LGSN: variants seen among roughly 807,000 people sequenced by gnomAD.
LGSN encodes lengsin, lens protein with glutamine synthetase domain.
In LGSN, 21 loss-of-function variants were observed where a neutral mutation model predicts 19.5. The ratio of observed to expected loss-of-function variants is 1.07; its 90% CI spans 0.76 to 1.55. The LOEUF (loss-of-function observed/expected upper bound fraction) is 1.55, where lower values mean the gene tolerates loss of function less well. Among genes scored for constraint, LGSN ranks in the 40% most tolerant of loss-of-function variants. LGSN has a pLI of 0.00. For synonymous variants in LGSN, 257 were observed against 215.6 expected, an observed-to-expected ratio of 1.19 and a Z score of -1.68; for missense variants, 673 against 608.5, an observed-to-expected ratio of 1.11 and a Z score of -1.12.
the LGSN span, among the ~76,000 whole-genome samples, chr6:63,378,302 T>G: frequency 6.6e-6 from 1 of 152,120 alleles, no homozygotes; most frequent in African/African-American, 2.4e-5. Context: ...TATACTTCAG[T>G]CTAGAAGTGA....
Position 63,280,884 on chromosome 6 carries a change from T to C in LGSN, c.667A>G (p.Ile223Val). ...FGVPEILNSKIISFPALTFLN... is the reference protein window; with the variant it reads ...FGVPEILNSKVISFPALTFLN... ...AATGTTAAAGCAGGAAAAGATATAA[T>C]CTTTGAATTTAAAATTTCGGGCACA... is the stretch of plus-strand genomic sequence containing the variant. The change falls in exon 4 of 4, where the codon ATT (isoleucine) becomes GTT (valine). Residue 223 changes from isoleucine to valine, a missense_variant. Ile to Val is a conservative substitution (Grantham distance 29). Transcript: ENST00000370657. 6.2e-7 allele frequency: 1 copy of C among 1,613,992 alleles called. No homozygotes were observed. Among genetic ancestry groups the C allele is most frequent in the Non-Finnish European group, 8.5e-7 (1 of 1,180,018 alleles).
chr6:63,496,205 G>A, the LGSN span, among the ~76,000 whole-genome samples: 5 of 152,308 alleles, frequency 3.3e-5, no homozygotes, highest in Admixed American at 6.5e-5. Context: ...GATTACAGGC[G>A]TGAGCCACAG....
chr6:63,321,264 A>G (rs1193998113), upstream of LGSN, among the ~76,000 whole-genome samples: 2 of 152,104 alleles, frequency 1.3e-5, no homozygotes, highest in Non-Finnish European at 2.9e-5. Flanking sequence ...TTTTTCTTGC[A>G]TGTGCTTGTC....
the LGSN span, among the ~76,000 whole-genome samples, chr6:63,417,393 A>C: frequency 6.6e-6 from 1 of 152,116 alleles, no homozygotes; most frequent in African/African-American, 2.4e-5. Context: ...TAAGTTTCTA[A>C]GTTTTACTAA....
chr6:63,481,490 A>AT, the LGSN span, among the ~76,000 whole-genome samples: 9 of 150,328 alleles, frequency 6.0e-5, no homozygotes, highest in Admixed American at 1.3e-4. Flanking sequence ...CTACAGGCGC[A>AT]TGCCACCATG....
chr6:63,434,099 A>C, the LGSN span, among the ~76,000 whole-genome samples: 1 of 152,200 alleles, frequency 6.6e-6, no homozygotes, highest in African/African-American at 2.4e-5. Context: ...AGTTACTAGA[A>C]TCCACCAAGA....
chr6:63,291,839 C>T (rs561664790), intron 2 of LGSN, among the ~76,000 whole-genome samples: 1 of 152,198 alleles, frequency 6.6e-6, no homozygotes, highest in South Asian at 2.1e-4. Flanking sequence ...AATTGCATGG[C>T]AAAAGGGACT....
chr6:63,390,674 G>A, the LGSN span, among the ~76,000 whole-genome samples: 4 of 151,234 alleles, frequency 2.6e-5, no homozygotes, highest in African/African-American at 9.7e-5. Flanking sequence ...GGCTAACACG[G>A]TGAAACCCCG....
At chr6:63,421,784 T>A in the LGSN span, among the ~76,000 whole-genome samples, 2 of 150,582 alleles carry the variant, frequency 1.3e-5, no homozygotes, top group South Asian at 2.1e-4. Context: ...AGAGAGAAAA[T>A]AGGGAAGAAA....
the LGSN span, among the ~76,000 whole-genome samples, chr6:63,346,651 G>T: frequency 1.3e-5 from 2 of 152,180 alleles, no homozygotes; most frequent in African/African-American, 4.8e-5. Flanking sequence ...TAGCCAGCCG[G>T]TCAGAAGTTC....
the LGSN span, among the ~76,000 whole-genome samples, chr6:63,367,444 G>A: frequency 6.6e-6 from 1 of 152,050 alleles, no homozygotes; most frequent in Non-Finnish European, 1.5e-5. Flanking sequence ...GGAAACAACA[G>A]GTGCTGGAGA....
At chr6:63,381,907 G>T in the LGSN span, among the ~76,000 whole-genome samples, 1 of 152,122 alleles carries the variant, frequency 6.6e-6, no homozygotes, top group South Asian at 2.1e-4. Context: ...GTCACTAAGG[G>T]ATAATATTGT....
At chr6:63,545,349 C>T in the LGSN span, among the ~76,000 whole-genome samples, 2 of 152,178 alleles carry the variant, frequency 1.3e-5, no homozygotes, top group Non-Finnish European at 2.9e-5. Flanking sequence ...GTGGCTCATG[C>T]CTGTAATCCC....
chr6:63,342,345 G>A, the LGSN span, among the ~76,000 whole-genome samples: 2 of 152,132 alleles, frequency 1.3e-5, no homozygotes, highest in Non-Finnish European at 2.9e-5. Context: ...AACGATTTAA[G>A]CAATAGTATT....
At chr6:63,291,447 T>C (rs1767764697) in intron 2 of LGSN, among the ~76,000 whole-genome samples, 1 of 152,040 alleles carries the variant, frequency 6.6e-6, no homozygotes, top group Non-Finnish European at 1.5e-5. Context: ...AGTGGGAATA[T>C]GACTTTCCCC....
chr6:63,334,319 A>G, the LGSN span, among the ~76,000 whole-genome samples: 1 of 152,192 alleles, frequency 6.6e-6, no homozygotes, highest in African/African-American at 2.4e-5. Context: ...CTATACACCA[A>G]TCCTGAAATA....
the LGSN span, among the ~76,000 whole-genome samples, chr6:63,382,214 T>C: frequency 6.6e-6 from 1 of 152,214 alleles, no homozygotes; most frequent in Non-Finnish European, 1.5e-5. Flanking sequence ...GAACTTACAT[T>C]TTTATATAGA....
chr6:63,359,558 T>C, the LGSN span, among the ~76,000 whole-genome samples: 1 of 152,226 alleles, frequency 6.6e-6, no homozygotes, highest in South Asian at 2.1e-4. Flanking sequence ...TGGTTTAGTC[T>C]TGGGAGAGTG....
At chr6:63,546,488 T>C in the LGSN span, among the ~76,000 whole-genome samples, 1 of 152,170 alleles carries the variant, frequency 6.6e-6, no homozygotes, top group Non-Finnish European at 1.5e-5. Flanking sequence ...GGTGGATCAC[T>C]TGAGGCAAGG....
Sources: gnomAD v4.1 joint callset for allele counts (sites outside exome capture counted in the v4.1 genomes callset) on GRCh38, gnomAD v4.1.1 for gene constraint, MANE v1.5 for transcripts, NCBI Gene and HGNC (gene_info 2026-07-23, HGNC 2026-07-21) for gene names.